Variants in NKAIN2 observed in about 807,000 individuals in gnomAD.
The protein encoded by NKAIN2 is sodium/potassium-transporting ATPase subunit beta-1-interacting protein 2.
A neutral mutation model predicts 32.6 loss-of-function variants in NKAIN2; 14 were observed. The observed-to-expected ratio is 0.43, with a 90% confidence interval of 0.28 to 0.67. The LOEUF is 0.67. Among genes scored for constraint, NKAIN2 ranks in the 30% least tolerant of loss-of-function variants. NKAIN2 has a pLI of 0.17. For synonymous variants in NKAIN2, 80 were observed against 87.2 expected, an observed-to-expected ratio of 0.92 and a Z score of 0.46; for missense variants, 198 against 258.3, an observed-to-expected ratio of 0.77 and a Z score of 1.60.
intron 1 of NKAIN2, among the ~76,000 whole-genome samples, chr6:123,895,828 A>G (rs1209744208): frequency 6.6e-6 from 1 of 152,218 alleles, no homozygotes; most frequent in East Asian, 1.9e-4. Flanking sequence ...AAGAGAACAA[A>G]CAGACATTGG....
intron 3 of NKAIN2, among the ~76,000 whole-genome samples, chr6:124,572,312 C>T (rs1781157565): frequency 6.6e-6 from 1 of 152,186 alleles, no homozygotes; most frequent in Admixed American, 6.5e-5. Context: ...AATGTTCAAC[C>T]AGTATGTAGA....
At chr6:123,976,570 T>C (rs890965088) in intron 1 of NKAIN2, among the ~76,000 whole-genome samples, 1 of 151,278 alleles carries the variant, frequency 6.6e-6, no homozygotes, top group Admixed American at 6.6e-5. Context: ...AAGGCCAGCA[T>C]TTTTGTTCAA....
chr6:124,631,900 A>C (rs1037282576), intron 3 of NKAIN2, among the ~76,000 whole-genome samples: 1 of 152,166 alleles, frequency 6.6e-6, no homozygotes, highest in Non-Finnish European at 1.5e-5. Context: ...AAAAACTCCG[A>C]AAGAGTCTGA....
At chr6:124,784,940 G>A (rs1759552887) in intron 4 of NKAIN2, among the ~76,000 whole-genome samples, 1 of 152,040 alleles carries the variant, frequency 6.6e-6, no homozygotes. Context: ...ACTGTTTGTG[G>A]TTCACTAAGC....
At position 123,957,317 on chromosome 6, in the gene NKAIN2, C is replaced by A. The variant is rs151278817; in HGVS notation, c.54+153063C>A. ...TACTGAATCACCACCTCTTCTTTAT[C>A]TTTTCAAAAATGGTCACACTAAAGT... On this transcript the variant is annotated intron_variant, in intron 1 of 6. Transcript: ENST00000368417. Among the ~76,000 whole-genome samples, 839 of 152,242 alleles carry A rather than the reference C, an allele frequency of 5.5e-3. 10 individuals are homozygous for A. The highest frequency in any genetic ancestry group is 0.019 in the African/African-American group (806 of 41,564).
At chr6:124,328,896 T>G (rs1482464605) in intron 2 of NKAIN2, among the ~76,000 whole-genome samples, 2 of 152,154 alleles carry the variant, frequency 1.3e-5, no homozygotes, top group Non-Finnish European at 2.9e-5. Context: ...CACAGGATTC[T>G]CTTTTGTCCA....
intron 1 of NKAIN2, among the ~76,000 whole-genome samples, chr6:124,263,843 T>C (rs1426439200): frequency 6.6e-6 from 1 of 152,164 alleles, no homozygotes; most frequent in Non-Finnish European, 1.5e-5. Context: ...TATCACTTGG[T>C]TAAAAAAAGA....
At chr6:124,380,966 G>T (rs1000563043) in intron 3 of NKAIN2, among the ~76,000 whole-genome samples, 2 of 152,138 alleles carry the variant, frequency 1.3e-5, no homozygotes, top group Non-Finnish European at 2.9e-5. Context: ...TAACTTCAAA[G>T]AAGACTATCT....
chr6:124,743,527 C>A (rs574546029), intron 4 of NKAIN2, among the ~76,000 whole-genome samples: 1 of 151,742 alleles, frequency 6.6e-6, no homozygotes, highest in African/African-American at 2.4e-5. Flanking sequence ...AATCTCCCGA[C>A]CCTGATTTCC....
chr6:123,981,248 T>C (rs1778885049), intron 1 of NKAIN2, among the ~76,000 whole-genome samples: 1 of 152,214 alleles, frequency 6.6e-6, no homozygotes, highest in Non-Finnish European at 1.5e-5. Flanking sequence ...AAGAGGGTAC[T>C]GTCTTTGAAG....
intron 1 of NKAIN2, among the ~76,000 whole-genome samples, chr6:123,811,410 G>C (rs1773459422): frequency 1.4e-5 from 1 of 72,298 alleles, no homozygotes; most frequent in Admixed American, 1.4e-4. Context: ...CACAGCGCTG[G>C]GGTGGGGGTT....
intron 1 of NKAIN2, among the ~76,000 whole-genome samples, chr6:124,036,464 T>A (rs1437652141): frequency 6.6e-6 from 1 of 152,176 alleles, no homozygotes; most frequent in Non-Finnish European, 1.5e-5. Flanking sequence ...CTGTGTTTAT[T>A]TAAAAGTGAA....
chr6:124,717,618 C>T (rs544914668), intron 4 of NKAIN2, among the ~76,000 whole-genome samples: 1 of 151,976 alleles, frequency 6.6e-6, no homozygotes, highest in Non-Finnish European at 1.5e-5. Flanking sequence ...CAATAATAAG[C>T]CTTAATATGT....
chr6:124,400,430 G>C (rs1484273602), intron 3 of NKAIN2, among the ~76,000 whole-genome samples: 2 of 152,046 alleles, frequency 1.3e-5, no homozygotes, highest in Admixed American at 6.6e-5. Flanking sequence ...ATTGGGAAAA[G>C]GAACTGGATT....
chr6:124,567,161 A>G lies in NKAIN2; in HGVS notation c.274-91025A>G, dbSNP rs145664765. ...TATTGTATCGTCTGGTTCTGTTATC[A>G]TACCCTTGCTATAAAATTCAATCCT... On this transcript the variant is annotated intron_variant, in intron 3 of 6. Transcript: ENST00000368417. Among the ~76,000 whole-genome samples the G allele has an allele frequency of 1.6e-3, 248 of 152,288 alleles. 2 individuals are homozygous for G. Among genetic ancestry groups the G allele is most frequent in the Non-Finnish European group, 3.2e-3 (217 of 68,034 alleles).
At chr6:124,559,074 T>C (rs1034794560) in intron 3 of NKAIN2, among the ~76,000 whole-genome samples, 1 of 152,182 alleles carries the variant, frequency 6.6e-6, no homozygotes, top group African/African-American at 2.4e-5. Flanking sequence ...ATACCAGGTA[T>C]AGATTCGTTT....
chr6:124,773,346 T>C (rs1216185616), intron 4 of NKAIN2, among the ~76,000 whole-genome samples: 1 of 152,086 alleles, frequency 6.6e-6, no homozygotes, highest in East Asian at 1.9e-4. Flanking sequence ...GGGGGGTCAC[T>C]GGAAGCCTTT....
intron 2 of NKAIN2, among the ~76,000 whole-genome samples, chr6:124,340,058 C>A (rs1008862883): frequency 6.6e-6 from 1 of 151,798 alleles, no homozygotes; most frequent in Non-Finnish European, 1.5e-5. Context: ...TAGGGAAAGC[C>A]CCTTTTATTA....
At chr6:124,194,761 T>C (rs184435220) in intron 1 of NKAIN2, among the ~76,000 whole-genome samples, 1 of 152,302 alleles carries the variant, frequency 6.6e-6, no homozygotes, top group East Asian at 1.9e-4. Context: ...ACTTCTAGTT[T>C]ACTACATATA....
Sources: gnomAD v4.1 joint callset for allele counts (sites outside exome capture counted in the v4.1 genomes callset) on GRCh38, gnomAD v4.1.1 for gene constraint, MANE v1.5 for transcripts, NCBI Gene and HGNC (gene_info 2026-07-23, HGNC 2026-07-21) for gene names.